AK9: variants seen among roughly 807,000 people sequenced by gnomAD.
The protein encoded by AK9 is adenylate kinase 9, also known as adenylate kinase domain containing 1.
A neutral mutation model predicts 239.6 loss-of-function variants in AK9; 191 were observed. The ratio of observed to expected loss-of-function variants is 0.80; its 90% CI spans 0.71 to 0.90. AK9 has a LOEUF of 0.90. AK9 is among the 40% of genes least tolerant of loss of function. The pLI is 0.00. For synonymous variants in AK9, 689 were observed against 721.0 expected, an observed-to-expected ratio of 0.96 and a Z score of 0.71; for missense variants, 1,995 against 2,214.7, an observed-to-expected ratio of 0.90 and a Z score of 1.99.
intron 24 of AK9, 194 bp from the exon 25 acceptor site, chr6:109,550,496 G>A (rs190273884): frequency 4.3e-6 from 2 of 467,398 alleles, no homozygotes; most frequent in Admixed American, 4.0e-5. Context: ...CACATTCTAA[G>A]TTTCTTTATT....
intron 35 of AK9, among the ~76,000 whole-genome samples, chr6:109,502,806 C>A (rs532088072): frequency 6.6e-6 from 1 of 152,214 alleles, no homozygotes; most frequent in Non-Finnish European, 1.5e-5. Flanking sequence ...GGAACGGAAT[C>A]TTACCGACAT....
At chr6:109,519,438 T>G (rs1779606964) in intron 29 of AK9, among the ~76,000 whole-genome samples, 1 of 151,876 alleles carries the variant, frequency 6.6e-6, no homozygotes, top group South Asian at 2.1e-4. Flanking sequence ...CCCTCAAGAG[T>G]GTATAAGTAT....
At chr6:109,548,275 T>C (rs1178260757) in intron 25 of AK9, among the ~76,000 whole-genome samples, 2 of 152,190 alleles carry the variant, frequency 1.3e-5, no homozygotes, top group Non-Finnish European at 2.9e-5. Context: ...GAACTTGTTA[T>C]AACATATCTG....
intron 27 of AK9, among the ~76,000 whole-genome samples, chr6:109,537,141 C>T (rs1782121304): frequency 6.6e-6 from 1 of 152,130 alleles, no homozygotes; most frequent in African/African-American, 2.4e-5. Context: ...GGAGGATTCC[C>T]TCTTTTTCTA....
rs755652891 is a variant in AK9, at chr6:109,662,608, C to T, written c.387G>A (p.Gln129=). 30 of 1,587,354 alleles carry T rather than the reference C, an allele frequency of 1.9e-5. No individual in the cohort carries two copies. Among genetic ancestry groups the T allele is most frequent in the Non-Finnish European group, 2.5e-5 (29 of 1,166,010 alleles). Residue 129 remains glutamine, a synonymous_variant, in exon 6 of 41, where the codon CAG becomes CAA. Coordinates refer to ENST00000424296, the MANE Select transcript of AK9 (RefSeq NM_001145128.3). ...SLSQDAMTTL[Q]QIELIKNLNL... Reference sequence around the variant, plus strand: ...TTAAGTTTTTAATTAATTCTATTTGCTGTAAGGTAGTCATGGCATCCTGTG... The same window carrying T: ...TTAAGTTTTTAATTAATTCTATTTGTTGTAAGGTAGTCATGGCATCCTGTG...
At chr6:109,683,556 G>A (rs1773000459) in intron 1 of AK9, among the ~76,000 whole-genome samples, 1 of 152,074 alleles carries the variant, frequency 6.6e-6, no homozygotes, top group African/African-American at 2.4e-5. Context: ...CAAAGTCTCA[G>A]GATACAAAAT....
chr6:109,501,047 C>T (rs533107147), intron 35 of AK9, among the ~76,000 whole-genome samples: 21 of 151,986 alleles, frequency 1.4e-4, no homozygotes, highest in Non-Finnish European at 3.1e-4. Context: ...TACATCACAC[C>T]CTCACAGTGT....
At chr6:109,665,026 C>T (rs543355483) in intron 5 of AK9, among the ~76,000 whole-genome samples, 36 of 152,108 alleles carry the variant, frequency 2.4e-4, no homozygotes, top group Admixed American at 2.0e-3. Context: ...GGCAACAGAG[C>T]GAGACTCCGT....
Position 109,546,064 on chromosome 6 carries a change from G to C in AK9, c.3028C>G (p.Gln1010Glu). 6.5e-7 allele frequency: 1 copy of C among 1,534,342 alleles called. No individual in the cohort carries two copies. Among genetic ancestry groups the C allele is most frequent in the Non-Finnish European group, 8.9e-7 (1 of 1,128,972 alleles). Residue 1010 changes from glutamine to glutamate, a missense_variant, in exon 26 of 41, where the codon CAG becomes GAG. By Grantham distance (29) the Gln-to-Glu change is conservative. This residue lies in a region of AK9 where 1,290 missense variants were observed against 1,392.7 expected (regional missense o/e 0.93). Transcript: ENST00000424296. ...AAAATGTTTAATTTTTCTGCCAACTGTCTTCCACACATAGTTTTGCCAGAG... is the reference window on the plus strand; with the variant it reads ...AAAATGTTTAATTTTTCTGCCAACTCTCTTCCACACATAGTTTTGCCAGAG... Reference protein sequence around the residue: ...QGSGKTMCGRQLAEKLNIFHI... With the variant: ...QGSGKTMCGRELAEKLNIFHI...
At chr6:109,514,542 C>A in intron 31 of AK9, 105 bp from the exon 32 acceptor site, 1 of 986,214 alleles carries the variant, frequency 1.0e-6, no homozygotes, top group Non-Finnish European at 1.5e-6. Flanking sequence ...AAAAAAAATT[C>A]CTTACAGAAT....
intron 10 of AK9, among the ~76,000 whole-genome samples, chr6:109,639,430 G>A (rs963114860): frequency 3.9e-5 from 6 of 152,252 alleles, no homozygotes; most frequent in East Asian, 1.9e-4. Flanking sequence ...TCATATGTCC[G>A]TTGGCTGCAT....
chr6:109,533,141 A>C, intron 28 of AK9, 110 bp downstream of exon 28: 2 of 761,620 alleles, frequency 2.6e-6, no homozygotes, highest in South Asian at 3.0e-5. Flanking sequence ...TTTCATGCTT[A>C]CTGTGGTATT....
chr6:109,635,908 C>T (rs1368139936), intron 10 of AK9, among the ~76,000 whole-genome samples: 1 of 152,160 alleles, frequency 6.6e-6, no homozygotes, highest in Non-Finnish European at 1.5e-5. Context: ...CCAACCCTGC[C>T]CCTGCAATGC....
intron 38 of AK9, 39 bp from the exon 39 acceptor site, chr6:109,495,479 A>C (rs1388918881): frequency 1.4e-6 from 2 of 1,467,148 alleles, no homozygotes; most frequent in Non-Finnish European, 9.5e-7. Flanking sequence ...GCTCACAGTT[A>C]TACTCAGTGT....
intron 17 of AK9, among the ~76,000 whole-genome samples, chr6:109,602,204 G>A (rs1218915374): frequency 5.3e-5 from 8 of 152,122 alleles, no homozygotes; most frequent in Non-Finnish European, 1.2e-4. Context: ...TTTTGCAGTG[G>A]CTGGTACTGG....
intron 24 of AK9, among the ~76,000 whole-genome samples, chr6:109,552,597 A>G (rs1302565099): frequency 6.6e-6 from 1 of 152,188 alleles, no homozygotes; most frequent in Non-Finnish European, 1.5e-5. Context: ...TAAATTCTGA[A>G]TATTAGACTT....
chr6:109,552,334 C>T (rs1315999906), intron 24 of AK9, among the ~76,000 whole-genome samples: 1 of 152,172 alleles, frequency 6.6e-6, no homozygotes, highest in Non-Finnish European at 1.5e-5. Flanking sequence ...ACTGTAAAAG[C>T]ATTCCTATTT....
chr6:109,532,458 A>T (rs185540825), intron 28 of AK9, among the ~76,000 whole-genome samples: 2 of 152,276 alleles, frequency 1.3e-5, no homozygotes, highest in Admixed American at 1.3e-4. Flanking sequence ...CTAGACTTAC[A>T]GGTTTGCCTT....
intron 8 of AK9, 108 bp downstream of exon 8, chr6:109,656,648 G>C (rs775554795): frequency 4.0e-6 from 5 of 1,253,114 alleles, no homozygotes; most frequent in Non-Finnish European, 5.5e-6. Context: ...CTCAAGGGGA[G>C]AATCAGACAG....
Sources: gnomAD v4.1 joint callset for allele counts (sites outside exome capture counted in the v4.1 genomes callset) on GRCh38, gnomAD v4.1.1 for gene constraint, gnomAD v4.1.1 regional missense constraint, MANE v1.5 for transcripts, NCBI Gene and HGNC (gene_info 2026-07-23, HGNC 2026-07-21) for gene names.